The following OPHN1 variants were observed in gnomAD, a reference collection of about 807,000 sequenced individuals.
The protein encoded by OPHN1 is oligophrenin-1.
In OPHN1, 11 loss-of-function variants were observed where a neutral mutation model predicts 60.7. The observed-to-expected ratio is 0.18, with a 90% CI of 0.11 to 0.30. The LOEUF is 0.30. Ranked by LOEUF, OPHN1 falls within the 10% of genes least tolerant of loss-of-function variation. The pLI is 1.00. For synonymous variants in OPHN1, 226 were observed against 222.6 expected (o/e 1.02, Z -0.14); for missense variants, 449 against 611.0 (o/e 0.73, Z 2.80).
intron 2 of OPHN1, among the ~76,000 whole-genome samples, chrX:68,331,098 A>G: frequency 9.5e-6 from 1 of 105,113 alleles, no homozygotes; most frequent in Non-Finnish European, 1.9e-5. Flanking sequence ...TGTACATAAA[A>G]TTATATATAT....
At chrX:68,169,756 C>T (rs1412876942) in intron 15 of OPHN1, among the ~76,000 whole-genome samples, 1 of 106,415 alleles carries the variant, frequency 9.4e-6, no homozygotes, top group Non-Finnish European at 1.9e-5. Flanking sequence ...GGATCCCTTC[C>T]TTACACCTTA....
intron 15 of OPHN1, among the ~76,000 whole-genome samples, chrX:68,127,388 C>CT (rs934541194): frequency 3.6e-5 from 4 of 110,849 alleles, no homozygotes; most frequent in East Asian, 5.7e-4. Flanking sequence ...TTATTTTTTT[C>CT]TTTTTTTTAA....
At chrX:68,192,228 G>A (rs1248681670) in intron 15 of OPHN1, among the ~76,000 whole-genome samples, 2 of 111,821 alleles carry the variant, frequency 1.8e-5, no homozygotes, top group African/African-American at 6.5e-5. Context: ...GTCAGGCATT[G>A]TGGCTCATGC....
chrX:68,163,478 C>A (rs925586120), intron 15 of OPHN1, among the ~76,000 whole-genome samples: 27 of 107,716 alleles, frequency 2.5e-4, no homozygotes, highest in Non-Finnish European at 2.1e-4. Context: ...CACAATTTAT[C>A]CATTCATTTG....
intron 5 of OPHN1, among the ~76,000 whole-genome samples, chrX:68,267,409 G>A (rs868129909): frequency 8.9e-5 from 10 of 111,790 alleles, no homozygotes; most frequent in African/African-American, 1.6e-4. Flanking sequence ...GAAACTGAAC[G>A]ACCTGCTCCC....
At chrX:68,076,573 G>T (rs906152257) in intron 19 of OPHN1, among the ~76,000 whole-genome samples, 2 of 111,619 alleles carry the variant, frequency 1.8e-5, no homozygotes, top group African/African-American at 6.5e-5. Context: ...GTCTCTTCCA[G>T]AAAGTACAAT....
At chrX:68,381,269 GT>G (rs757634156) in intron 2 of OPHN1, among the ~76,000 whole-genome samples, 36 of 111,375 alleles carry the variant, frequency 3.2e-4, no homozygotes, top group Non-Finnish European at 5.5e-4. Flanking sequence ...CCCCTTCTTT[GT>G]TTTTTCACAT....
intron 2 of OPHN1, among the ~76,000 whole-genome samples, chrX:68,426,698 C>CTAAAAAAAAA (rs2078859644): frequency 7.7e-5 from 1 of 13,042 alleles, no homozygotes; most frequent in Non-Finnish European, 5.1e-4. Flanking sequence ...CCGCATCTCT[C>CTAAAAAAAAA]CAAAAAAAAA....
intron 2 of OPHN1, among the ~76,000 whole-genome samples, chrX:68,365,056 C>T (rs889585513): frequency 8.9e-6 from 1 of 112,128 alleles, no homozygotes; most frequent in Non-Finnish European, 1.9e-5. Flanking sequence ...ATGATAACTG[C>T]TCCATGTGCT....
At chrX:68,153,255 C>T (rs1485121871) in intron 15 of OPHN1, among the ~76,000 whole-genome samples, 1 of 108,688 alleles carries the variant, frequency 9.2e-6, no homozygotes, top group Non-Finnish European at 1.9e-5. Context: ...AGCAAATGGG[C>T]AAATTATTAA....
chrX:68,405,212 C>CTGTT (rs199952043), intron 2 of OPHN1, among the ~76,000 whole-genome samples: 3 of 111,933 alleles, frequency 2.7e-5, no homozygotes, highest in Non-Finnish European at 5.6e-5. Flanking sequence ...TCATTACAGT[C>CTGTT]TGTTTGTTTG....
At chrX:68,182,681 T>A (rs2077443636) in intron 15 of OPHN1, among the ~76,000 whole-genome samples, 2 of 111,632 alleles carry the variant, frequency 1.8e-5, no homozygotes, top group African/African-American at 6.5e-5. Context: ...GAGGCCAAGA[T>A]GGGCGGATCA....
chrX:68,217,466 T>C, intron 6 of OPHN1, among the ~76,000 whole-genome samples: 1 of 111,969 alleles, frequency 8.9e-6, no homozygotes, highest in Non-Finnish European at 1.9e-5. Context: ...AGGCTTCATC[T>C]CTGGGGGCAG....
intron 21 of OPHN1, among the ~76,000 whole-genome samples, chrX:68,062,562 A>T (rs2076897062): frequency 8.9e-6 from 1 of 112,476 alleles, no homozygotes; most frequent in Non-Finnish European, 1.9e-5. Flanking sequence ...AAGCCCTCTT[A>T]TCTAAACCTC....
At chrX:68,253,345 A>G (rs1294244401) in intron 5 of OPHN1, among the ~76,000 whole-genome samples, 1 of 111,871 alleles carries the variant, frequency 8.9e-6, no homozygotes, top group East Asian at 2.8e-4. Flanking sequence ...TTGGGTCTAC[A>G]AGGTTATCTC....
intron 6 of OPHN1, among the ~76,000 whole-genome samples, chrX:68,226,942 G>A (rs994612856): frequency 9.0e-6 from 1 of 111,621 alleles, no homozygotes; most frequent in Admixed American, 9.6e-5. Flanking sequence ...TGGAAAGTTG[G>A]ATAAAGAGTC....
chrX:68,305,924 G>A (rs2078142992), intron 2 of OPHN1, among the ~76,000 whole-genome samples: 1 of 112,068 alleles, frequency 8.9e-6, no homozygotes, highest in Non-Finnish European at 1.9e-5. Context: ...GGAAACAATA[G>A]TCCATGCTCA....
At chrX:68,207,052 C>G (rs992815415) in intron 9 of OPHN1, among the ~76,000 whole-genome samples, 6 of 111,550 alleles carry the variant, frequency 5.4e-5, no homozygotes, top group African/African-American at 2.0e-4. Flanking sequence ...CTACACATCT[C>G]TCTTTTAACT....
chrX:68,169,140 A>G (rs1381004584), intron 15 of OPHN1, among the ~76,000 whole-genome samples: 2 of 111,560 alleles, frequency 1.8e-5, no homozygotes, highest in African/African-American at 6.5e-5. Flanking sequence ...CCAATAACAG[A>G]CAAACAGAGA....
Sources: allele counts gnomAD v4.1 joint callset (sites outside exome capture counted in the v4.1 genomes callset), GRCh38; gene constraint gnomAD v4.1.1; transcripts MANE v1.5; gene names NCBI Gene and HGNC (gene_info 2026-07-23, HGNC 2026-07-21).